Variants in PDE4D observed in about 807,000 individuals in gnomAD.
PDE4D encodes the protein 3',5'-cyclic-AMP phosphodiesterase 4D.
A neutral mutation model predicts 87.4 loss-of-function variants in PDE4D; 24 were observed. The ratio of observed to expected loss-of-function variants is 0.27; its 90% CI spans 0.20 to 0.39. The LOEUF is 0.39. PDE4D is among the 10% of genes least tolerant of loss of function. The pLI is 1.00. For synonymous variants in PDE4D, 384 were observed against 383.2 expected (o/e 1.00, Z -0.02); for missense variants, 714 against 1,041.0 (o/e 0.69, Z 4.32).
Position 59,634,604 on chromosome 5 carries a change from T to A in PDE4D, c.455+258564A>T, listed in dbSNP as rs530287688. Among the ~76,000 whole-genome samples the A allele has an allele frequency of 2.0e-5, 3 of 152,140 alleles. No individual in the cohort carries two copies. In the South Asian group the frequency reaches 6.2e-4, roughly 32 times the overall value. ...ACTAACTCAAAACAGCACAACTACA[T>A]GGAAAATCAAAAAACCTGCTCCTGA... On this transcript the variant is annotated intron_variant, in intron 1 of 14. Coordinates refer to ENST00000340635, the MANE Select transcript of PDE4D (RefSeq NM_001104631.2).
At chr5:59,217,187 C>A (rs1350186897) in intron 1 of PDE4D, 1 of 455,534 alleles carries the variant, frequency 2.2e-6, no homozygotes, top group Non-Finnish European at 4.4e-6. Flanking sequence ...ATAAAGTCAA[C>A]TTTCATGTGT....
chr5:59,929,595 T>C (rs765054373), intron 3 of PDE4D, among the ~76,000 whole-genome samples: 4 of 152,158 alleles, frequency 2.6e-5, no homozygotes, highest in Non-Finnish European at 4.4e-5. Context: ...TTCTATAATA[T>C]GTTAAGTGTC....
At chr5:59,764,871 G>T (rs1348436696) in intron 1 of PDE4D, among the ~76,000 whole-genome samples, 2 of 151,914 alleles carry the variant, frequency 1.3e-5, no homozygotes, top group East Asian at 3.9e-4. Flanking sequence ...TGCCCAGGCT[G>T]GTCTCAAACT....
intron 1 of PDE4D, among the ~76,000 whole-genome samples, chr5:59,802,616 C>T (rs1208991069): frequency 2.0e-5 from 3 of 152,090 alleles, no homozygotes; most frequent in East Asian, 3.9e-4. Flanking sequence ...CCAGGATGGT[C>T]TCGATCTCCT....
At chr5:59,202,789 C>T (rs1747809838) in intron 2 of PDE4D, among the ~76,000 whole-genome samples, 1 of 152,280 alleles carries the variant, frequency 6.6e-6, no homozygotes, top group East Asian at 1.9e-4. Flanking sequence ...TCGCCTTCCA[C>T]CATGATTGTG....
At chr5:59,771,499 G>GAAGAAAGAAAGAAAGAAAAGAAAGAAAGA in intron 1 of PDE4D, among the ~76,000 whole-genome samples, 1 of 19,730 alleles carries the variant, frequency 5.1e-5, no homozygotes, top group East Asian at 2.0e-3. Context: ...GAGAGAGAGA[G>GAAGAAAGAAAGAAAGAAAAGAAAGAAAGA]AAGAAAGAAA....
intron 5 of PDE4D, among the ~76,000 whole-genome samples, chr5:59,070,751 T>G (rs1764651884): frequency 1.3e-5 from 2 of 152,222 alleles, no homozygotes; most frequent in Admixed American, 1.3e-4. Context: ...TACTTATCAC[T>G]AATTCAATCC....
intron 1 of PDE4D, among the ~76,000 whole-genome samples, chr5:59,673,506 G>A (rs1747562751): frequency 6.6e-6 from 1 of 152,108 alleles, no homozygotes. Flanking sequence ...GCTAATTGTT[G>A]TTTTGATGAT....
At chr5:60,444,464 A>C (rs1331458159) in intron 1 of PDE4D, among the ~76,000 whole-genome samples, 2 of 152,164 alleles carry the variant, frequency 1.3e-5, no homozygotes, top group Non-Finnish European at 2.9e-5. Context: ...TAGAGGAGGA[A>C]GAGTAGAAGA....
At chr5:59,652,203 C>T (rs1743625756) in intron 1 of PDE4D, among the ~76,000 whole-genome samples, 1 of 152,194 alleles carries the variant, frequency 6.6e-6, no homozygotes, top group Admixed American at 6.5e-5. Flanking sequence ...TCTTCTTCCT[C>T]AGAGGCAATC....
At chr5:58,989,178 GGGAA>G (rs1747274538) in intron 10 of PDE4D, among the ~76,000 whole-genome samples, 1 of 49,126 alleles carries the variant, frequency 2.0e-5, no homozygotes, top group African/African-American at 5.6e-5. Context: ...GGTGGCAGGA[GGGAA>G]AGAAAGGGGA....
At chr5:59,392,986 T>C (rs1357003905) in intron 1 of PDE4D, among the ~76,000 whole-genome samples, 1 of 152,064 alleles carries the variant, frequency 6.6e-6, no homozygotes, top group Non-Finnish European at 1.5e-5. Context: ...ACAGGGGAAG[T>C]AGAGTTTGAA....
chr5:60,043,657 CT>C (rs70975361), intron 2 of PDE4D, among the ~76,000 whole-genome samples: 31,881 of 141,632 alleles, frequency 0.23, 3,884 homozygotes, highest in African/African-American at 0.37. Context: ...AAGGAATTTT[CT>C]TTTTTTTTTT....
chr5:58,995,626 T>C (rs1749046643), intron 6 of PDE4D, among the ~76,000 whole-genome samples: 1 of 152,224 alleles, frequency 6.6e-6, no homozygotes, highest in Non-Finnish European at 1.5e-5. Context: ...CCCAGCTCAC[T>C]TTCTGGCACT....
chr5:60,005,920 C>T (rs193053257), intron 2 of PDE4D, among the ~76,000 whole-genome samples: 3 of 151,798 alleles, frequency 2.0e-5, no homozygotes, highest in South Asian at 2.1e-4. Context: ...ATCTGTTAAC[C>T]TTAGTTGCTA....
intron 1 of PDE4D, among the ~76,000 whole-genome samples, chr5:59,832,935 C>G (rs1246106012): frequency 6.6e-6 from 1 of 151,854 alleles, no homozygotes; most frequent in East Asian, 1.9e-4. Flanking sequence ...TTCGTTGAAG[C>G]AGAGATGGGG....
chr5:59,697,216 C>A (rs1030894719), intron 1 of PDE4D, among the ~76,000 whole-genome samples: 1 of 152,164 alleles, frequency 6.6e-6, no homozygotes, highest in African/African-American at 2.4e-5. Context: ...CACCTAAGTA[C>A]TAGGCACTAG....
At chr5:59,481,096 T>C (rs114509518) in intron 1 of PDE4D, among the ~76,000 whole-genome samples, 2,363 of 152,068 alleles carry the variant, frequency 0.016, 76 homozygotes, top group African/African-American at 0.055. Context: ...CACTCTGGAG[T>C]TGCTGCAACA....
intron 1 of PDE4D, among the ~76,000 whole-genome samples, chr5:59,402,157 G>A (rs1210126755): frequency 2.6e-5 from 4 of 152,148 alleles, no homozygotes; most frequent in Admixed American, 6.6e-5. Flanking sequence ...ATGGAAATTC[G>A]TTTTATTTTG....
Sources: gnomAD v4.1 joint callset for allele counts (sites outside exome capture counted in the v4.1 genomes callset) on GRCh38, gnomAD v4.1.1 for gene constraint, MANE v1.5 for transcripts, NCBI Gene and HGNC (gene_info 2026-07-23, HGNC 2026-07-21) for gene names.